Variants in DPYD observed in about 807,000 individuals in gnomAD.
DPYD encodes dihydropyrimidine dehydrogenase.
A neutral mutation model predicts 116.2 loss-of-function variants in DPYD; 109 were observed. That is an observed-to-expected ratio of 0.94 (90% confidence interval 0.80 to 1.10). The LOEUF (loss-of-function observed/expected upper bound fraction) is 1.10, where lower values mean the gene tolerates loss of function less well. Ranked by LOEUF, DPYD falls within the 50% of genes least tolerant of loss-of-function variation. DPYD has a pLI of 0.00. For synonymous variants in DPYD, 440 were observed against 432.0 expected (o/e 1.02, Z -0.23); for missense variants, 1,302 against 1,254.5 (o/e 1.04, Z -0.57).
chr1:97,325,367 A>T (rs1668659368), intron 16 of DPYD, among the ~76,000 whole-genome samples: 1 of 152,050 alleles, frequency 6.6e-6, no homozygotes, highest in Non-Finnish European at 1.5e-5. Flanking sequence ...AGAACTTAAC[A>T]TAAAACTGCT....
intron 18 of DPYD, among the ~76,000 whole-genome samples, chr1:97,261,493 C>CTTTT (rs1210765677): frequency 4.0e-4 from 49 of 122,472 alleles, no homozygotes; most frequent in African/African-American, 1.5e-3. Flanking sequence ...GACTATGCAT[C>CTTTT]TTTTTTTTTT....
At chr1:97,280,616 C>T (rs544413292) in intron 18 of DPYD, among the ~76,000 whole-genome samples, 1 of 151,906 alleles carries the variant, frequency 6.6e-6, no homozygotes, top group South Asian at 2.1e-4. Flanking sequence ...CAGGGTATTA[C>T]GTTAAGTGAA....
chr1:97,336,750 C>G (rs1461880704), intron 16 of DPYD, among the ~76,000 whole-genome samples: 1 of 152,078 alleles, frequency 6.6e-6, no homozygotes, highest in Non-Finnish European at 1.5e-5. Flanking sequence ...AACTCCATCT[C>G]AAAACAAACA....
At chr1:97,686,799 G>A (rs1397380915) in intron 7 of DPYD, among the ~76,000 whole-genome samples, 3 of 151,992 alleles carry the variant, frequency 2.0e-5, no homozygotes, top group Non-Finnish European at 2.9e-5. Flanking sequence ...ATTGACAGAT[G>A]AGATTTAATT....
intron 14 of DPYD, 118 bp downstream of exon 14, chr1:97,449,941 G>T: frequency 1.5e-6 from 2 of 1,324,008 alleles, no homozygotes; most frequent in South Asian, 1.3e-5. Flanking sequence ...CAAAGCAACT[G>T]GCAGATTCTT....
At chr1:97,334,806 C>A (rs1669201021) in intron 16 of DPYD, among the ~76,000 whole-genome samples, 1 of 152,110 alleles carries the variant, frequency 6.6e-6, no homozygotes, top group South Asian at 2.1e-4. Context: ...CAGTGCTCAG[C>A]AGAACTATTT....
chr1:97,574,875 C>T (rs1183238065), intron 10 of DPYD, among the ~76,000 whole-genome samples: 1 of 152,088 alleles, frequency 6.6e-6, no homozygotes, highest in Non-Finnish European at 1.5e-5. Context: ...TCTCAATAGG[C>T]TCCCTGGGTA....
intron 6 of DPYD, among the ~76,000 whole-genome samples, chr1:97,693,846 T>C (rs1661159455): frequency 6.6e-6 from 1 of 151,620 alleles, no homozygotes. Context: ...TAGAAGCACA[T>C]GGAATAAAAG....
At chr1:97,528,758 T>C (rs187531456) in intron 12 of DPYD, among the ~76,000 whole-genome samples, 1 of 152,176 alleles carries the variant, frequency 6.6e-6, no homozygotes, top group East Asian at 1.9e-4. Flanking sequence ...TTTGACTCCA[T>C]TCTCTTTGCC....
chr1:97,890,459 T>C (rs1382710127), intron 1 of DPYD, among the ~76,000 whole-genome samples: 3 of 151,944 alleles, frequency 2.0e-5, no homozygotes, highest in Non-Finnish European at 2.9e-5. Flanking sequence ...GTTAGACATC[T>C]GTGTCTTTTT....
chr1:97,560,352 T>C (rs931595179), intron 11 of DPYD, among the ~76,000 whole-genome samples: 2 of 152,020 alleles, frequency 1.3e-5, no homozygotes, highest in East Asian at 1.9e-4. Context: ...TGTAGGTAAA[T>C]AGATTGATGA....
chr1:97,624,465 G>T lies in DPYD; in HGVS notation c.851-29299C>A, dbSNP rs528712441. On this transcript the variant is annotated intron_variant, in intron 8 of 22. Transcript: ENST00000370192. ...AATAACTTTTATTAAAAAGATGAAA[G>T]ATAACAAGTGTTAGCAAGGATGTGG... 4.6e-5 allele frequency among the ~76,000 whole-genome samples: 7 copies of T among 152,060 alleles called. No homozygotes were observed. In the East Asian group the frequency reaches 1.4e-3, roughly 29 times the overall value.
At chr1:97,158,472 GACAC>G (rs58771302) in intron 20 of DPYD, among the ~76,000 whole-genome samples, 2,706 of 112,016 alleles carry the variant, frequency 0.024, 45 homozygotes, top group African/African-American at 0.063. Context: ...TAACTCACCA[GACAC>G]ACACACACAC....
At chr1:97,685,985 A>T (rs1441562587) in intron 7 of DPYD, among the ~76,000 whole-genome samples, 18 of 152,210 alleles carry the variant, frequency 1.2e-4, no homozygotes, top group Admixed American at 1.2e-3. Flanking sequence ...AACTACTTTA[A>T]AATTCATATG....
At chr1:97,102,977 GA>G (rs1650857113) in intron 20 of DPYD, among the ~76,000 whole-genome samples, 3 of 152,126 alleles carry the variant, frequency 2.0e-5, no homozygotes, top group Non-Finnish European at 4.4e-5. Flanking sequence ...AAAGCTAATT[GA>G]AGTAGTTCTT....
intron 8 of DPYD, among the ~76,000 whole-genome samples, chr1:97,648,304 G>C (rs1425471142): frequency 6.6e-6 from 1 of 151,954 alleles, no homozygotes; most frequent in Non-Finnish European, 1.5e-5. Flanking sequence ...TAGAGTAAAT[G>C]TCTAAGACAT....
intron 16 of DPYD, among the ~76,000 whole-genome samples, chr1:97,340,139 T>C (rs1235205693): frequency 6.6e-6 from 1 of 151,838 alleles, no homozygotes; most frequent in African/African-American, 2.4e-5. Context: ...ACACAAAATA[T>C]TATAATAATA....
intron 13 of DPYD, among the ~76,000 whole-genome samples, chr1:97,467,414 T>C (rs757259944): frequency 7.2e-5 from 11 of 152,230 alleles, no homozygotes; most frequent in Non-Finnish European, 1.3e-4. Flanking sequence ...CCCTGCTTCA[T>C]GATATCCTGC....
intron 19 of DPYD, among the ~76,000 whole-genome samples, chr1:97,215,760 T>C (rs1281822525): frequency 2.0e-5 from 3 of 152,128 alleles, no homozygotes; most frequent in Non-Finnish European, 4.4e-5. Context: ...CCCATGACAC[T>C]CCATCACGTG....
Sources: allele counts gnomAD v4.1 joint callset (sites outside exome capture counted in the v4.1 genomes callset), GRCh38; gene constraint gnomAD v4.1.1; transcripts MANE v1.5; gene names NCBI Gene and HGNC (gene_info 2026-07-23, HGNC 2026-07-21).